Variants in SH3GL2 observed in about 807,000 individuals in gnomAD.
The protein encoded by SH3GL2 is endophilin-A1.
A neutral mutation model predicts 46.0 loss-of-function variants in SH3GL2; 24 were observed. The ratio of observed to expected loss-of-function variants is 0.52; its 90% CI spans 0.38 to 0.73. The LOEUF (loss-of-function observed/expected upper bound fraction) is 0.73. Ranked by LOEUF, SH3GL2 falls within the 30% of genes least tolerant of loss-of-function variation. The pLI is 0.00. For missense variants in SH3GL2, 413 were observed against 424.2 expected (o/e 0.97, Z 0.23); for synonymous variants, 196 against 147.1 (o/e 1.33, Z -2.40).
intron 2 of SH3GL2, among the ~76,000 whole-genome samples, chr9:17,758,164 C>A (rs10963248): frequency 6.6e-6 from 1 of 152,182 alleles, no homozygotes; most frequent in Admixed American, 6.5e-5. Flanking sequence ...TTTCCCTTCT[C>A]TAGGCCACAG....
intron 1 of SH3GL2, among the ~76,000 whole-genome samples, chr9:17,724,130 A>ACTG (rs1188067712): frequency 6.6e-6 from 1 of 151,918 alleles, no homozygotes; most frequent in Non-Finnish European, 1.5e-5. Context: ...TGGTTTGCTA[A>ACTG]CTGCTATCCC....
chr9:17,620,767 G>C (rs904775722), intron 1 of SH3GL2, among the ~76,000 whole-genome samples: 2 of 152,154 alleles, frequency 1.3e-5, no homozygotes, highest in African/African-American at 4.8e-5. Flanking sequence ...AGGTATCTTG[G>C]TATGAGTGAC....
chr9:17,671,959 TGAA>T (rs974742684), intron 1 of SH3GL2, among the ~76,000 whole-genome samples: 1 of 152,150 alleles, frequency 6.6e-6, no homozygotes, highest in African/African-American at 2.4e-5. Flanking sequence ...CCTTGACAAA[TGAA>T]ACCATACCAG....
intron 1 of SH3GL2, among the ~76,000 whole-genome samples, chr9:17,634,891 T>A (rs1180510233): frequency 2.6e-5 from 4 of 152,194 alleles, no homozygotes; most frequent in Non-Finnish European, 5.9e-5. Context: ...ATTCTGATGC[T>A]ATAGTGTGAT....
chr9:17,722,287 CT>C (rs1435232614), intron 1 of SH3GL2, among the ~76,000 whole-genome samples: 2 of 152,028 alleles, frequency 1.3e-5, no homozygotes, highest in African/African-American at 2.4e-5. Flanking sequence ...CTGGTCTCTA[CT>C]TTTAGACAAA....
chr9:17,736,947 C>T (rs1822354139), intron 1 of SH3GL2, among the ~76,000 whole-genome samples: 1 of 152,014 alleles, frequency 6.6e-6, no homozygotes, highest in Non-Finnish European at 1.5e-5. Flanking sequence ...GACTTGGAAC[C>T]AACCCAAATG....
chr9:17,668,562 T>C (rs1180540809), intron 1 of SH3GL2, among the ~76,000 whole-genome samples: 3 of 152,234 alleles, frequency 2.0e-5, no homozygotes, highest in Non-Finnish European at 4.4e-5. Context: ...AGAAAGTTTT[T>C]TCCTACACTT....
At chr9:17,591,931 A>T (rs1020101149) in intron 1 of SH3GL2, among the ~76,000 whole-genome samples, 1 of 152,180 alleles carries the variant, frequency 6.6e-6, no homozygotes, top group Non-Finnish European at 1.5e-5. Flanking sequence ...GTCAATCTGT[A>T]TTCATGTTTA....
chr9:17,736,247 A>T (rs1822330938), intron 1 of SH3GL2, among the ~76,000 whole-genome samples: 2 of 152,114 alleles, frequency 1.3e-5, no homozygotes, highest in South Asian at 4.1e-4. Context: ...GGCTTTTTAA[A>T]TTTTTTGATT....
chr9:17,766,775 C>T (rs1184875331), intron 3 of SH3GL2, among the ~76,000 whole-genome samples: 1 of 151,962 alleles, frequency 6.6e-6, no homozygotes, highest in East Asian at 1.9e-4. Context: ...CCGCTGTGGC[C>T]AGTGGTGCCC....
At chr9:17,616,330 A>AT (rs1285545583) in intron 1 of SH3GL2, among the ~76,000 whole-genome samples, 1 of 152,282 alleles carries the variant, frequency 6.6e-6, no homozygotes, top group Non-Finnish European at 1.5e-5. Flanking sequence ...TAGCAGCTGC[A>AT]TTTTTTTCCA....
chr9:17,612,855 C>T (rs747324432), intron 1 of SH3GL2, among the ~76,000 whole-genome samples: 2 of 152,264 alleles, frequency 1.3e-5, no homozygotes, highest in Non-Finnish European at 2.9e-5. Context: ...ACCTTGCTTC[C>T]GAGAAGCCCC....
chr9:17,788,427 T>A (rs539905951), intron 5 of SH3GL2, among the ~76,000 whole-genome samples: 71 of 152,290 alleles, frequency 4.7e-4, no homozygotes, highest in Non-Finnish European at 8.4e-4. Flanking sequence ...TTATTCTTCC[T>A]CCTTTCCTTT....
At chr9:17,780,301 T>C (rs1243148476) in intron 3 of SH3GL2, among the ~76,000 whole-genome samples, 1 of 152,114 alleles carries the variant, frequency 6.6e-6, no homozygotes, top group African/African-American at 2.4e-5. Context: ...ATAGAACATG[T>C]ATTCTTTTGA....
At chr9:17,727,468 AG>A (rs1277547578) in intron 1 of SH3GL2, among the ~76,000 whole-genome samples, 1 of 152,178 alleles carries the variant, frequency 6.6e-6, no homozygotes, top group Non-Finnish European at 1.5e-5. Context: ...TGGTTTCTGC[AG>A]TACAGATGAT....
At chr9:17,666,890 C>T (rs1340959532) in intron 1 of SH3GL2, among the ~76,000 whole-genome samples, 1 of 152,096 alleles carries the variant, frequency 6.6e-6, no homozygotes, top group Non-Finnish European at 1.5e-5. Context: ...TGTGAGAGGA[C>T]CTATTTCTCC....
At chr9:17,645,151 CTTTTTTTTTTTTT>C (rs57611978) in intron 1 of SH3GL2, among the ~76,000 whole-genome samples, 8 of 68,780 alleles carry the variant, frequency 1.2e-4, no homozygotes, top group Admixed American at 3.8e-4. Flanking sequence ...GCAAACGCTG[CTTTTTTTTTTTTT>C]TTTTTTTTTT....
At position 17,669,405 on chromosome 9, in the gene SH3GL2, T is replaced by C. The variant is rs549348513; in HGVS notation, c.46-77661T>C. ...TCACTGCAAGGATCACTTATGTTGC[T>C]CTTTTATAACCGTACCCACTTCCTC... On this transcript the variant is annotated intron_variant, in intron 1 of 8. Transcript: ENST00000380607. Among the ~76,000 whole-genome samples, 6 of 152,312 alleles carry C rather than the reference T, an allele frequency of 3.9e-5. No individual in the cohort carries two copies. The South Asian group carries it at 1.2e-3, about 32-fold the overall frequency.
intron 1 of SH3GL2, among the ~76,000 whole-genome samples, chr9:17,671,277 T>C (rs983566010): frequency 1.3e-5 from 2 of 151,214 alleles, no homozygotes; most frequent in African/African-American, 4.8e-5. Flanking sequence ...GGCAGTGAAA[T>C]GGTTTCTGTT....
Sources: allele counts gnomAD v4.1 joint callset (sites outside exome capture counted in the v4.1 genomes callset), GRCh38; gene constraint gnomAD v4.1.1; transcripts MANE v1.5; gene names NCBI Gene and HGNC (gene_info 2026-07-23, HGNC 2026-07-21).